LRRC7: variants seen among roughly 807,000 people sequenced by gnomAD.
LRRC7 encodes the protein leucine rich repeat containing 7, also known as leucine-rich repeat-containing protein 7.
A neutral mutation model predicts 175.7 loss-of-function variants in LRRC7; 23 were observed. The ratio of observed to expected loss-of-function variants is 0.13; its 90% CI spans 0.09 to 0.19. The LOEUF (loss-of-function observed/expected upper bound fraction) is 0.19. Ranked by LOEUF, LRRC7 falls within the 10% of genes least tolerant of loss-of-function variation. The pLI is 1.00. For synonymous variants in LRRC7, 685 were observed against 680.9 expected (o/e 1.01, Z -0.09); for missense variants, 1,354 against 1,904.7 (o/e 0.71, Z 5.38).
rs59867726 is a variant in LRRC7, at chr1:69,799,963, G to A, written c.421+7803G>A. Among the ~76,000 whole-genome samples, 1,412 of 152,058 alleles carry A rather than the reference G, an allele frequency of 9.3e-3. 27 individuals carry two copies. The highest frequency in any genetic ancestry group is 0.032 in the African/African-American group (1,332 of 41,532). The stretch of plus-strand genomic sequence containing the variant: ...TGAGTTTCATTCTTCTGCATATGGC[G>A]ATCCAGTTTTCCCAGCAGCATTTAT... On this transcript the variant is annotated intron_variant, in intron 4 of 26. Transcript: ENST00000651989.
chr1:69,712,094 C>G (rs1266963338), intron 2 of LRRC7, among the ~76,000 whole-genome samples: 3 of 152,012 alleles, frequency 2.0e-5, no homozygotes, highest in Non-Finnish European at 2.9e-5. Context: ...AAGCAAGGAG[C>G]CTTTCAAAAG....
chr1:69,840,994 A>T (rs903144080), intron 7 of LRRC7, among the ~76,000 whole-genome samples: 1 of 152,000 alleles, frequency 6.6e-6, no homozygotes, highest in Non-Finnish European at 1.5e-5. Context: ...TTGTTTGCTT[A>T]TTTGTTTGCT....
intron 8 of LRRC7, among the ~76,000 whole-genome samples, chr1:69,979,375 A>G (rs1653179324): frequency 6.6e-6 from 1 of 152,256 alleles, no homozygotes; most frequent in Non-Finnish European, 1.5e-5. Context: ...AGCAACCTCT[A>G]TTCTCTCTAT....
intron 7 of LRRC7, among the ~76,000 whole-genome samples, chr1:69,841,493 G>T (rs530270746): frequency 6.6e-6 from 1 of 152,142 alleles, no homozygotes; most frequent in South Asian, 2.1e-4. Context: ...CACAGGTCTG[G>T]TTCTCAGCAT....
intron 1 of LRRC7, among the ~76,000 whole-genome samples, chr1:69,602,618 C>T (rs995073813): frequency 2.0e-5 from 3 of 152,034 alleles, no homozygotes; most frequent in African/African-American, 4.8e-5. Flanking sequence ...CTAAAACCAA[C>T]AAAAATGTAT....
chr1:69,845,832 CTG>C (rs1421125263), intron 7 of LRRC7, among the ~76,000 whole-genome samples: 4 of 152,068 alleles, frequency 2.6e-5, no homozygotes, highest in South Asian at 2.1e-4. Context: ...TGTTTTGTAA[CTG>C]TAATACATAA....
At chr1:69,971,136 A>G (rs976993599) in intron 8 of LRRC7, among the ~76,000 whole-genome samples, 5 of 152,214 alleles carry the variant, frequency 3.3e-5, no homozygotes, top group African/African-American at 1.2e-4. Context: ...TCAATGTAAT[A>G]AAAACCATCT....
chr1:69,983,527 C>T lies in LRRC7; in HGVS notation c.787-2715C>T, dbSNP rs947089480. ...CTGCTTGCAGCTCTCCAGCCTTCTT[C>T]AGAAATTGCCTCACGTAAAGAGAAC... On this transcript the variant is annotated intron_variant, in intron 9 of 26. Transcript: ENST00000651989. Among the ~76,000 whole-genome samples the T allele has an allele frequency of 2.0e-5, 3 of 152,206 alleles. No homozygotes were observed. In the East Asian group the frequency reaches 5.8e-4, roughly 29 times the overall value.
In LRRC7 at chr1:70,135,390, TA is replaced by T. The variant is rs933461729; in HGVS notation, c.*13506del. 6.6e-6 allele frequency among the ~76,000 whole-genome samples: 1 copy of T among 152,074 alleles called. No homozygotes were observed. The highest frequency in any genetic ancestry group is 2.4e-5 in the African/African-American group (1 of 41,400). The stretch of plus-strand genomic sequence containing the variant: ...TCATTTTTTTAGTTCTGTCATGAGG[TA>T]AAGATGTAAAGATGTAAAAAGCTCT... On this transcript the variant is annotated 3_prime_UTR_variant, in exon 27 of 27. Transcript: ENST00000651989.
intron 26 of LRRC7, among the ~76,000 whole-genome samples, chr1:70,108,423 T>G (rs1165889595): frequency 6.6e-6 from 1 of 152,154 alleles, no homozygotes; most frequent in Non-Finnish European, 1.5e-5. Flanking sequence ...TTACATAAAC[T>G]CATTTATTTG....
At chr1:69,958,063 G>A (rs1650681793) in intron 8 of LRRC7, among the ~76,000 whole-genome samples, 1 of 151,860 alleles carries the variant, frequency 6.6e-6, no homozygotes, top group African/African-American at 2.4e-5. Flanking sequence ...TATAATTTAT[G>A]TTAATGAACA....
intron 2 of LRRC7, among the ~76,000 whole-genome samples, chr1:69,750,061 A>T (rs1310733538): frequency 7.2e-6 from 1 of 139,128 alleles, no homozygotes; most frequent in African/African-American, 2.7e-5. Flanking sequence ...CTATGTCTCA[A>T]AAATAAATAA....
At chr1:69,931,047 G>A (rs1434640620) in intron 7 of LRRC7, among the ~76,000 whole-genome samples, 1 of 152,172 alleles carries the variant, frequency 6.6e-6, no homozygotes, top group East Asian at 1.9e-4. Context: ...ATGTTTGGGA[G>A]ACAATGACTA....
At chr1:69,853,270 CTTT>C (rs1163071175) in intron 7 of LRRC7, among the ~76,000 whole-genome samples, 12 of 88,010 alleles carry the variant, frequency 1.4e-4, no homozygotes, top group South Asian at 4.3e-4. Flanking sequence ...TCCTTTCTTT[CTTT>C]TTTTTTTTTT....
chr1:70,045,235 C>A (rs1320412961), intron 22 of LRRC7, among the ~76,000 whole-genome samples: 2 of 151,964 alleles, frequency 1.3e-5, no homozygotes, highest in Non-Finnish European at 1.5e-5. Context: ...CCGGTCTATA[C>A]TGCAGGACCA....
At chr1:70,093,705 C>T (rs1210004057) in intron 25 of LRRC7, among the ~76,000 whole-genome samples, 1 of 152,088 alleles carries the variant, frequency 6.6e-6, no homozygotes, top group Non-Finnish European at 1.5e-5. Flanking sequence ...TAGGAGCATA[C>T]TGTACAGAGA....
intron 24 of LRRC7, among the ~76,000 whole-genome samples, chr1:70,082,982 G>A (rs781739330): frequency 1.2e-4 from 18 of 150,750 alleles, no homozygotes; most frequent in Non-Finnish European, 1.8e-4. Flanking sequence ...ATGGAGTTTC[G>A]CCATGTTGGC....
intron 4 of LRRC7, among the ~76,000 whole-genome samples, chr1:69,800,688 G>A (rs1676371915): frequency 6.6e-6 from 1 of 151,858 alleles, no homozygotes; most frequent in Non-Finnish European, 1.5e-5. Flanking sequence ...AGTAAACAGA[G>A]ATCATTTCAC....
chr1:70,033,722 C>T (rs1354761892), intron 18 of LRRC7, among the ~76,000 whole-genome samples: 2 of 151,836 alleles, frequency 1.3e-5, no homozygotes, highest in Non-Finnish European at 2.9e-5. Context: ...GTTTGAAAGT[C>T]GAATCAATAC....
Sources: gnomAD v4.1 joint callset for allele counts (sites outside exome capture counted in the v4.1 genomes callset) on GRCh38, gnomAD v4.1.1 for gene constraint, MANE v1.5 for transcripts, NCBI Gene and HGNC (gene_info 2026-07-23, HGNC 2026-07-21) for gene names.